HTR7: variants seen among roughly 807,000 people sequenced by gnomAD.
HTR7 encodes 5-HT-7.
In HTR7, 16 loss-of-function variants were observed where a neutral mutation model predicts 34.0. The ratio of observed to expected loss-of-function variants is 0.47; its 90% confidence interval spans 0.32 to 0.71. The LOEUF (loss-of-function observed/expected upper bound fraction) is 0.71, where lower values mean the gene tolerates loss of function less well. Ranked by LOEUF, HTR7 falls within the 30% of genes least tolerant of loss-of-function variation. The pLI is 0.04. For synonymous variants in HTR7, 265 were observed against 260.2 expected (o/e 1.02, Z -0.18); for missense variants, 504 against 625.5 (o/e 0.81, Z 2.07).
At chr10:90,757,724 C>T (rs573090907) in intron 1 of HTR7, among the ~76,000 whole-genome samples, 2 of 152,106 alleles carry the variant, frequency 1.3e-5, no homozygotes, top group African/African-American at 4.8e-5. Flanking sequence ...TAAGAATGAG[C>T]AAGATTAAAC....
At chr10:90,841,949 GA>G (rs1459454742) in intron 1 of HTR7, among the ~76,000 whole-genome samples, 1 of 152,116 alleles carries the variant, frequency 6.6e-6, no homozygotes, top group Non-Finnish European at 1.5e-5. Context: ...GCAGTGAGCC[GA>G]GATCATGCCA....
chr10:90,847,846 C>G (rs1846432736), intron 1 of HTR7, among the ~76,000 whole-genome samples: 2 of 152,150 alleles, frequency 1.3e-5, no homozygotes, highest in African/African-American at 4.8e-5. Flanking sequence ...AAATATACCT[C>G]AAGAGATGTA....
intron 1 of HTR7, among the ~76,000 whole-genome samples, chr10:90,802,996 CTTTTTTTTTT>C (rs35715510): frequency 3.4e-5 from 3 of 89,010 alleles, no homozygotes; most frequent in African/African-American, 1.3e-4. Context: ...CATTTGTGGC[CTTTTTTTTTT>C]TTTTTTTTTT....
chr10:90,767,851 GT>G (rs754479950), intron 1 of HTR7, among the ~76,000 whole-genome samples: 44 of 151,980 alleles, frequency 2.9e-4, no homozygotes, highest in Non-Finnish European at 5.0e-4. Context: ...CCCAGGGGGA[GT>G]TTTCCAAGCA....
At chr10:90,805,450 C>T (rs769238849) in intron 1 of HTR7, among the ~76,000 whole-genome samples, 25 of 152,250 alleles carry the variant, frequency 1.6e-4, no homozygotes, top group South Asian at 8.3e-4. Flanking sequence ...GCACCTAAAC[C>T]GCTAGGAAGT....
At chr10:90,777,235 C>T (rs1321510063) in intron 1 of HTR7, among the ~76,000 whole-genome samples, 1 of 152,074 alleles carries the variant, frequency 6.6e-6, no homozygotes, top group Non-Finnish European at 1.5e-5. Context: ...ATAATCCCAG[C>T]ACTTTGGGAG....
At chr10:90,850,211 C>T (rs1846477272) in intron 1 of HTR7, among the ~76,000 whole-genome samples, 1 of 152,208 alleles carries the variant, frequency 6.6e-6, no homozygotes, top group Admixed American at 6.5e-5. Flanking sequence ...GCTAAGAAGC[C>T]ATGCTTGATA....
At chr10:90,778,564 T>A (rs1845257331) in intron 1 of HTR7, among the ~76,000 whole-genome samples, 1 of 152,188 alleles carries the variant, frequency 6.6e-6, no homozygotes, top group Non-Finnish European at 1.5e-5. Context: ...CAGTTTTAGG[T>A]ATTATGTTAC....
Position 90,741,181 on chromosome 10 carries a change from C to T in HTR7, c.*1301G>A, listed in dbSNP as rs1359277008. On this transcript the variant is annotated 3_prime_UTR_variant, in exon 4 of 4. Coordinates refer to ENST00000336152, the MANE Select transcript of HTR7 (RefSeq NM_019859.4). ...AAATAATATTCTCTTTCAGTTCACT[C>T]TTATCAAATAAAGAATTGCATTCAT... is the stretch of plus-strand genomic sequence containing the variant. 3 of 152,538 alleles carry T rather than the reference C, an allele frequency of 2.0e-5. No homozygotes were observed. Among genetic ancestry groups the T allele is most frequent in the Non-Finnish European group, 4.4e-5 (3 of 68,016 alleles). 9.4% of individuals were successfully genotyped at this position (152,538 alleles called of 1,614,324 possible).
chr10:90,760,837 C>T (rs929753281), intron 1 of HTR7, among the ~76,000 whole-genome samples: 10 of 152,026 alleles, frequency 6.6e-5, no homozygotes, highest in East Asian at 1.9e-4. Context: ...GCCGAGATTG[C>T]GCCACTGAAC....
At chr10:90,854,302 A>C (rs908040443) in intron 1 of HTR7, among the ~76,000 whole-genome samples, 2 of 152,286 alleles carry the variant, frequency 1.3e-5, no homozygotes, top group African/African-American at 4.8e-5. Context: ...TGCAGTGAGC[A>C]GAGATGGCAC....
intron 1 of HTR7, among the ~76,000 whole-genome samples, chr10:90,855,917 T>A (rs1171113503): frequency 1.3e-5 from 2 of 152,186 alleles, no homozygotes; most frequent in Non-Finnish European, 2.9e-5. Context: ...TTTCCTTTAT[T>A]TAGTAATTAT....
chr10:90,800,694 A>G (rs897499360), intron 1 of HTR7, among the ~76,000 whole-genome samples: 4 of 152,242 alleles, frequency 2.6e-5, no homozygotes, highest in Admixed American at 2.6e-4. Context: ...TTTACTGGGC[A>G]CTAACTAAAC....
At chr10:90,763,910 A>G (rs1270171136) in intron 1 of HTR7, among the ~76,000 whole-genome samples, 1 of 152,232 alleles carries the variant, frequency 6.6e-6, no homozygotes, top group Non-Finnish European at 1.5e-5. Flanking sequence ...ATAGTGTTGC[A>G]GTAAACATAT....
chr10:90,795,229 C>T (rs942027444), intron 1 of HTR7, among the ~76,000 whole-genome samples: 1 of 152,250 alleles, frequency 6.6e-6, no homozygotes, highest in Non-Finnish European at 1.5e-5. Context: ...TGAGAAACCC[C>T]CATACTTTTT....
chr10:90,799,157 G>A (rs1363519586), intron 1 of HTR7, among the ~76,000 whole-genome samples: 2 of 152,082 alleles, frequency 1.3e-5, no homozygotes. Context: ...GGAACTAACA[G>A]TGCAAGAAGA....
chr10:90,742,646 C>T (rs1490600235), intron 3 of HTR7, 118 bp from the exon 4 acceptor site: 8 of 654,484 alleles, frequency 1.2e-5, no homozygotes, highest in Non-Finnish European at 2.1e-5. Flanking sequence ...TCATTTGTGG[C>T]TTTTAAGGGA....
chr10:90,841,705 G>A (rs1279826337), intron 1 of HTR7, among the ~76,000 whole-genome samples: 1 of 152,120 alleles, frequency 6.6e-6, no homozygotes, highest in South Asian at 2.1e-4. Context: ...CTTGAGCCTT[G>A]GAAGACCCTG....
rs181735153 is a variant in HTR7, at chr10:90,831,523, T to C, written c.539+25610A>G. ...AAAAAGTGGGCAGTAGCAAGATCTA[T>C]TGCAAAAAGCAAAACACATTGCTTC... On this transcript the variant is annotated intron_variant, in intron 1 of 3. Transcript: ENST00000336152. 3.9e-5 allele frequency among the ~76,000 whole-genome samples: 6 copies of C among 152,320 alleles called. No individual in the cohort carries two copies. The South Asian group carries it at 6.2e-4, about 16-fold the overall frequency.
Sources: gnomAD v4.1 joint callset for allele counts (sites outside exome capture counted in the v4.1 genomes callset) on GRCh38, gnomAD v4.1.1 for gene constraint, MANE v1.5 for transcripts, NCBI Gene and HGNC (gene_info 2026-07-23, HGNC 2026-07-21) for gene names.